Variants in VLDLR observed in about 807,000 individuals in gnomAD.
The protein encoded by VLDLR is very low-density lipoprotein receptor.
A neutral mutation model predicts 112.7 loss-of-function variants in VLDLR; 81 were observed. The ratio of observed to expected loss-of-function variants is 0.72; its 90% CI spans 0.60 to 0.86. The LOEUF (loss-of-function observed/expected upper bound fraction) is 0.86, where lower values mean the gene tolerates loss of function less well. Among genes scored for constraint, VLDLR ranks in the 40% least tolerant of loss-of-function variants. The pLI, the probability that VLDLR is intolerant of heterozygous loss-of-function variation, is 0.00. For synonymous variants in VLDLR, 436 were observed against 384.8 expected, an observed-to-expected ratio of 1.13 and a Z score of -1.56; for missense variants, 1,237 against 1,099.4, an observed-to-expected ratio of 1.13 and a Z score of -1.77.
intron 1 of VLDLR, among the ~76,000 whole-genome samples, chr9:2,624,534 T>C (rs1368045998): frequency 6.6e-6 from 1 of 152,200 alleles, no homozygotes; most frequent in Non-Finnish European, 1.5e-5. Flanking sequence ...GCCTAAGTAG[T>C]CAAGATTAAG....
chr9:2,643,902 G>C lies in VLDLR; in HGVS notation c.1009G>C (p.Val337Leu). The C allele has an allele frequency of 6.2e-7, 1 of 1,614,162 alleles. No homozygotes were observed. The highest frequency in any genetic ancestry group is 8.5e-7 in the Non-Finnish European group (1 of 1,180,036). Reference protein sequence around the residue: ...RSGECIDISKVCNQEQDCRDW... With the variant: ...RSGECIDISKLCNQEQDCRDW... ...TGGAGAATGCATAGATATCAGCAAA[G>C]TATGTAACCAGGAGCAGGACTGCAG... The change falls in exon 7 of 19, where the codon GTA (valine) becomes CTA (leucine). Residue 337 changes from valine to leucine, a missense_variant. Coordinates refer to ENST00000382100, the MANE Select transcript of VLDLR (RefSeq NM_003383.5).
intron 2 of VLDLR, among the ~76,000 whole-genome samples, chr9:2,637,014 C>T (rs992046144): frequency 1.3e-5 from 2 of 152,144 alleles, no homozygotes; most frequent in Admixed American, 1.3e-4. Context: ...TCTCTACTAG[C>T]CACATGGTAG....
chr9:2,647,521 C>A lies in VLDLR; in HGVS notation c.1751C>A (p.Ala584Glu). ...DWGEPAKIEK[A>E]GMNGFDRRPL... is the part of the protein sequence containing the mutation. ...GGTGAACCAGCTAAAATAGAAAAAG[C>A]AGGAATGAATGGATTCGATAGACGT... The change falls in exon 12 of 19, where the codon GCA (alanine) becomes GAA (glutamate). Residue 584 changes from alanine to glutamate, a missense_variant. Coordinates refer to ENST00000382100, the MANE Select transcript of VLDLR (RefSeq NM_003383.5). The A allele has an allele frequency of 6.2e-7, 1 of 1,614,124 alleles. No homozygotes were observed. The highest frequency in any genetic ancestry group is 8.5e-7 in the Non-Finnish European group (1 of 1,179,998).
intron 1 of VLDLR, among the ~76,000 whole-genome samples, chr9:2,628,743 CCAAT>C (rs1817209787): frequency 6.6e-6 from 1 of 151,948 alleles, no homozygotes; most frequent in Non-Finnish European, 1.5e-5. Context: ...AGTAATGGGG[CCAAT>C]CAAAGATAGA....
intron 6 of VLDLR, 29 bp from the exon 7 acceptor site, chr9:2,643,808 G>C: frequency 3.7e-6 from 6 of 1,614,194 alleles, no homozygotes; most frequent in Non-Finnish European, 5.1e-6. Flanking sequence ...CCCACTCATG[G>C]AATCTCTCTT....
chr9:2,644,917 G>A, intron 8 of VLDLR, 40 bp from the exon 9 acceptor site: 1 of 1,614,110 alleles, frequency 6.2e-7, no homozygotes, highest in Non-Finnish European at 8.5e-7. Context: ...TACCTAGTAA[G>A]GTATAGGAGC....
intron 4 of VLDLR, among the ~76,000 whole-genome samples, chr9:2,642,038 C>T (rs1429690188): frequency 6.6e-6 from 1 of 151,934 alleles, no homozygotes; most frequent in Admixed American, 6.6e-5. Flanking sequence ...AAAAGTCTAC[C>T]CAACTGGTGA....
At chr9:2,645,786 T>C (rs1233202428) in intron 10 of VLDLR, 41 bp downstream of exon 10, 5 of 1,612,520 alleles carry the variant, frequency 3.1e-6, no homozygotes, top group Non-Finnish European at 4.2e-6. Context: ...ACATAAGTCA[T>C]TGTCACTTGG....
At chr9:2,649,501 C>T (rs1818224200) in intron 14 of VLDLR, among the ~76,000 whole-genome samples, 1 of 152,170 alleles carries the variant, frequency 6.6e-6, no homozygotes, top group African/African-American at 2.4e-5. Context: ...AAGCAATTCT[C>T]CTGCCTCAGC....
At chr9:2,649,756 C>G (rs890429766) in intron 14 of VLDLR, among the ~76,000 whole-genome samples, 2 of 152,174 alleles carry the variant, frequency 1.3e-5, no homozygotes, top group African/African-American at 4.8e-5. Flanking sequence ...ATATCCTATC[C>G]TCAATATCTC....
Position 2,645,895 on chromosome 9 carries a change from T to G in VLDLR, c.1484+150T>G, listed in dbSNP as rs150716556. Reference sequence around the variant, plus strand: ...CATTAAATCTAATGCTAATTCTTTATTAAACTGTTATCACTTCCTAATTAG... The same window carrying G: ...CATTAAATCTAATGCTAATTCTTTAGTAAACTGTTATCACTTCCTAATTAG... On this transcript the variant is annotated intron_variant, in intron 10 of 18. Transcript: ENST00000382100. 169 of 839,626 alleles carry G rather than the reference T, an allele frequency of 2.0e-4. 3 individuals carry two copies. In the East Asian group the frequency reaches 4.1e-3, roughly 20 times the overall value. The allele number at this position is 839,626 out of a possible 1,614,324, so 52.0% of individuals were successfully genotyped here. A position where few individuals can be genotyped will look rare whatever the true frequency, so the allele number is the denominator to read the frequency against.
At chr9:2,633,108 AAC>A (rs1311146746) in intron 1 of VLDLR, among the ~76,000 whole-genome samples, 1 of 147,132 alleles carries the variant, frequency 6.8e-6, no homozygotes, top group Non-Finnish European at 1.5e-5. Flanking sequence ...GAGGGAGTAA[AAC>A]ACAGCTTTAT....
chr9:2,659,506 A>T lies in VLDLR; in HGVS notation c.*5638A>T, dbSNP rs1818725929. The T allele has an allele frequency of 1.3e-5, 2 of 152,382 alleles. No individual in the cohort carries two copies. Among genetic ancestry groups the T allele is most frequent in the East Asian group, 3.9e-4 (2 of 5,192 alleles). The allele number at this position is 152,382 out of a possible 1,614,324, so 9.4% of individuals were successfully genotyped here. A position where few individuals can be genotyped will look rare whatever the true frequency, so the allele number is the denominator to read the frequency against. ...TTATTTTCCTTGGCCATCCAAGTGA[A>T]GTAGAAGTAGATTGTTGGATTGCAA... On this transcript the variant is annotated 3_prime_UTR_variant, in exon 19 of 19. Coordinates refer to ENST00000382100, the MANE Select transcript of VLDLR (RefSeq NM_003383.5).
Position 2,643,814 on chromosome 9 carries a change from CTCT to C in VLDLR, c.944-18_944-16del, listed in dbSNP as rs776313259. 14 of 1,614,094 alleles carry C rather than the reference CTCT, an allele frequency of 8.7e-6. No homozygotes were observed. The African/African-American group carries it at 1.2e-4, about 14-fold the overall frequency. ...CTGACCAGACCCACTCATGGAATCT[CTCT>C]TCTTTGTTTCTCTTTGTAGTCAATC... On this transcript the variant is annotated intron_variant, in intron 6 of 18. Coordinates refer to ENST00000382100, the MANE Select transcript of VLDLR (RefSeq NM_003383.5).
At position 2,621,991 on chromosome 9, in the gene VLDLR, G is replaced by A; in HGVS notation, c.-199G>A. ...GCCCGGGGAGGTGGCTGGGTGGGTGGGGAGGAGACTGTGCAAGTTGTAGGG... is the reference window on the plus strand; with the variant it reads ...GCCCGGGGAGGTGGCTGGGTGGGTGAGGAGGAGACTGTGCAAGTTGTAGGG... On this transcript the variant is annotated 5_prime_UTR_variant, in exon 1 of 19. Coordinates refer to ENST00000382100, the MANE Select transcript of VLDLR (RefSeq NM_003383.5). 1.5e-6 allele frequency: 1 copy of A among 651,850 alleles called. No homozygotes were observed. The highest frequency in any genetic ancestry group is 2.3e-5 in the Admixed American group (1 of 43,848). 40.4% of individuals were successfully genotyped at this position (651,850 alleles called of 1,614,324 possible). A position where few individuals can be genotyped will look rare whatever the true frequency, so the allele number is the denominator to read the frequency against.
intron 1 of VLDLR, among the ~76,000 whole-genome samples, chr9:2,627,630 C>T (rs949563590): frequency 2.0e-5 from 3 of 151,894 alleles, no homozygotes; most frequent in Admixed American, 6.6e-5. Flanking sequence ...TTTTGGAGGC[C>T]GAGGCAGGCA....
intron 1 of VLDLR, among the ~76,000 whole-genome samples, chr9:2,624,796 A>G (rs1297229439): frequency 6.6e-6 from 1 of 152,190 alleles, no homozygotes; most frequent in Non-Finnish European, 1.5e-5. Context: ...TCAAAGACTG[A>G]TCACTCATGT....
At chr9:2,638,181 A>G (rs1385508735) in intron 2 of VLDLR, among the ~76,000 whole-genome samples, 1 of 152,222 alleles carries the variant, frequency 6.6e-6, no homozygotes, top group African/African-American at 2.4e-5. Flanking sequence ...AGAAACAGGC[A>G]TGAATCTAAA....
At position 2,621,939 on chromosome 9, in the gene VLDLR, G is replaced by T. The variant is rs1185504967; in HGVS notation, c.-251G>T. On this transcript the variant is annotated 5_prime_UTR_variant, in exon 1 of 19. Coordinates refer to ENST00000382100, the MANE Select transcript of VLDLR (RefSeq NM_003383.5). Reference sequence around the variant, plus strand: ...GCAGCGCCTGCATTATTTTCTGCCCGCAGGCTCGGCTTGCACTGCTGCTGC... The same window carrying T: ...GCAGCGCCTGCATTATTTTCTGCCCTCAGGCTCGGCTTGCACTGCTGCTGC... 2 of 648,752 alleles carry T rather than the reference G, an allele frequency of 3.1e-6. No homozygotes were observed. The highest frequency in any genetic ancestry group is 5.6e-6 in the Non-Finnish European group (2 of 355,736). 40.2% of individuals were successfully genotyped at this position (648,752 alleles called of 1,614,324 possible). A position where few individuals can be genotyped will look rare whatever the true frequency, so the allele number is the denominator to read the frequency against.
Sources: allele counts gnomAD v4.1 joint callset (sites outside exome capture counted in the v4.1 genomes callset), GRCh38; gene constraint gnomAD v4.1.1; transcripts MANE v1.5; gene names NCBI Gene and HGNC (gene_info 2026-07-23, HGNC 2026-07-21).